The following HLA-DMB variants were observed in gnomAD, a reference collection of about 807,000 sequenced individuals.
HLA-DMB encodes the protein major histocompatibility complex, class II, DM beta, also known as HLA class II histocompatibility antigen, DM beta chain.
A neutral mutation model predicts 29.3 loss-of-function variants in HLA-DMB; 18 were observed. That is an observed-to-expected ratio of 0.62 (90% CI 0.43 to 0.91). The LOEUF (loss-of-function observed/expected upper bound fraction) is 0.91. Ranked by LOEUF, HLA-DMB falls within the 40% of genes least tolerant of loss-of-function variation. The pLI is 0.00. For missense variants in HLA-DMB, 258 were observed against 320.9 expected, an observed-to-expected ratio of 0.80 and a Z score of 1.50; for synonymous variants, 143 against 128.7, an observed-to-expected ratio of 1.11 and a Z score of -0.75.
Position 32,940,840 on chromosome 6 carries a change from C to G in HLA-DMB, c.-33G>C, listed in dbSNP as rs941825287. On this transcript the variant is annotated 5_prime_UTR_variant, in exon 1 of 6. Coordinates refer to ENST00000418107, the MANE Select transcript of HLA-DMB (RefSeq NM_002118.5). ...TCTGTAAAGATGCCGGGAGTTCAGT[C>G]CCCTGGACCAGCTCTTCCAGGGTCC... 6.4e-7 allele frequency: 1 copy of G among 1,560,116 alleles called. No individual in the cohort carries two copies. Among genetic ancestry groups the G allele is most frequent in the African/African-American group, 1.4e-5 (1 of 73,626 alleles).
At chr6:32,938,379 A>C in intron 2 of HLA-DMB, 1 of 344,884 alleles carries the variant, frequency 2.9e-6, no homozygotes, top group Non-Finnish European at 5.2e-6. Flanking sequence ...TGGAACATCA[A>C]AATCTGGGAT....
At chr6:32,935,902 T>C in intron 3 of HLA-DMB, 2 of 539,668 alleles carry the variant, frequency 3.7e-6, no homozygotes, top group Non-Finnish European at 3.3e-6. Flanking sequence ...AGGTCCTCTC[T>C]AATACAGTGG....
At chr6:32,935,693 T>TC (rs762538584) in intron 3 of HLA-DMB, 41 bp from the exon 4 acceptor site, 40 of 1,455,236 alleles carry the variant, frequency 2.7e-5, no homozygotes, top group Non-Finnish European at 3.7e-5. Context: ...TTTCTGTTGC[T>TC]CACCCCCAGG....
rs1399694521 is a variant in HLA-DMB, at chr6:32,937,660, CCTTT to C, written c.338-208_338-205del. On this transcript the variant is annotated intron_variant, in intron 2 of 5. Transcript: ENST00000418107. The surrounding 1 kb of genome is among the most constrained non-coding windows in gnomAD (Gnocchi z 4.1). ...TCTTCTCTCCCATTCCTTCATTGCC[CCTTT>C]CTTTCTTTCCTCCTCCAGAATTATG... The C allele has an allele frequency of 2.3e-5, 13 of 570,250 alleles. No homozygotes were observed. The highest frequency in any genetic ancestry group is 9.6e-5 in the South Asian group (4 of 41,726). The allele number at this position is 570,250 out of a possible 1,614,324, so 35.3% of individuals were successfully genotyped here. A position where few individuals can be genotyped will look rare whatever the true frequency, so the allele number is the denominator to read the frequency against.
intron 1 of HLA-DMB, 52 bp from the exon 2 acceptor site, chr6:32,939,017 A>G: frequency 9.8e-7 from 1 of 1,019,412 alleles, no homozygotes; most frequent in Non-Finnish European, 1.3e-6. Flanking sequence ...CTGGCCTGGC[A>G]ATAAATAAAT....
intron 5 of HLA-DMB, 61 bp downstream of exon 5, chr6:32,935,281 C>T: frequency 7.5e-7 from 1 of 1,327,502 alleles, no homozygotes; most frequent in Non-Finnish European, 1.1e-6. Context: ...CCAACACTGA[C>T]CCCTCTAACC....
Position 32,937,521 on chromosome 6 carries a change from T to C in HLA-DMB, c.338-65A>G. 6.6e-7 allele frequency: 1 copy of C among 1,506,490 alleles called. No homozygotes were observed. The highest frequency in any genetic ancestry group is 9.1e-7 in the Non-Finnish European group (1 of 1,103,286). The allele number at this position is 1,506,490 out of a possible 1,614,324, so 93.3% of individuals were successfully genotyped here. On this transcript the variant is annotated intron_variant, in intron 2 of 5. Transcript: ENST00000418107. This position sits in a 1 kb window ranked among gnomAD's most constrained non-coding sequence, Gnocchi z 4.1. ...CATTCTGGCTGCTTCCTCAACCTGG[T>C]TTCTTCCCTATCGCAACTCTTCGTA...
At position 32,937,602 on chromosome 6, in the gene HLA-DMB, G is replaced by T; in HGVS notation, c.338-146C>A. The T allele has an allele frequency of 1.5e-6, 1 of 658,698 alleles. No homozygotes were observed. The highest frequency in any genetic ancestry group is 2.6e-6 in the Non-Finnish European group (1 of 383,974). 40.8% of individuals were successfully genotyped at this position (658,698 alleles called of 1,614,324 possible). A position where few individuals can be genotyped will look rare whatever the true frequency, so the allele number is the denominator to read the frequency against. ...CCTCTGCCATGCTGCCCCTTGAAGG[G>T]GAACCGTTAGAATGTATTCCTGCAT... On this transcript the variant is annotated intron_variant, in intron 2 of 5. Transcript: ENST00000418107. This position sits in a 1 kb window ranked among gnomAD's most constrained non-coding sequence, Gnocchi z 4.1.
At chr6:32,935,291 C>A (rs1034522465) in intron 5 of HLA-DMB, 51 bp downstream of exon 5, 13 of 1,472,976 alleles carry the variant, frequency 8.8e-6, no homozygotes, top group Non-Finnish European at 1.2e-5. Context: ...CCCCTCTAAC[C>A]CGCACCCCTA....
chr6:32,939,151 A>T (rs1414597456), intron 1 of HLA-DMB, among the ~76,000 whole-genome samples, 186 bp from the exon 2 acceptor site: 1 of 152,242 alleles, frequency 6.6e-6, no homozygotes, highest in East Asian at 1.9e-4. Flanking sequence ...CTAATCGCTT[A>T]GAATTTCCTA....
chr6:32,938,134 A>T (rs1393258475), intron 2 of HLA-DMB: 1 of 153,844 alleles, frequency 6.5e-6, no homozygotes, highest in Non-Finnish European at 1.4e-5. Flanking sequence ...CTTTCAACAG[A>T]TCTGGAGTGG....
At chr6:32,938,034 A>G (rs714289) in intron 2 of HLA-DMB, 9,558 of 153,212 alleles carry the variant, frequency 0.062, 319 homozygotes, top group Middle Eastern at 0.11. Flanking sequence ...GCTTGCCTCT[A>G]TCTTGACATT....
At chr6:32,935,112 C>A in intron 5 of HLA-DMB, 125 bp from the exon 6 acceptor site, 1 of 1,086,734 alleles carries the variant, frequency 9.2e-7, no homozygotes, top group Non-Finnish European at 1.4e-6. Flanking sequence ...ACAACTAATA[C>A]AAAGGAAGCA....
Position 32,937,318 on chromosome 6 carries a change from T to G in HLA-DMB, c.476A>C (p.His159Pro). Residue 159 changes from histidine to proline, a missense_variant, in exon 3 of 6, where the codon CAC becomes CCC. Transcript: ENST00000418107. The surrounding 1 kb of genome is among the most constrained non-coding windows in gnomAD (Gnocchi z 4.1). ...CTGGGCAGTCTTGTGCGCACTGCTG[T>G]GAGGCATGACAAGCTTCCCGTTCTT... ...WRKNGKLVMPHSSAHKTAQPN... is the reference protein window; with the variant it reads ...WRKNGKLVMPPSSAHKTAQPN... 1 of 1,614,172 alleles carries G rather than the reference T, an allele frequency of 6.2e-7. No homozygotes were observed. The highest frequency in any genetic ancestry group is 8.5e-7 in the Non-Finnish European group (1 of 1,180,022).
At position 32,937,412 on chromosome 6, in the gene HLA-DMB, T is replaced by G. The variant is rs1160065935; in HGVS notation, c.382A>C (p.Arg128=). The change falls in exon 3 of 6, where the codon AGG becomes CGG. Residue 128 remains arginine (R), a synonymous_variant. Transcript: ENST00000418107. This position sits in a 1 kb window ranked among gnomAD's most constrained non-coding sequence, Gnocchi z 4.1. Reference sequence around the variant, plus strand: ...TAGCAGGCCAGCATCACAGGCTCCCTCGTGTTAAAAGGAGTGGTTTTGGCT... The same window carrying G: ...TAGCAGGCCAGCATCACAGGCTCCCGCGTGTTAAAAGGAGTGGTTTTGGCT... ...QVAKTTPFNT[R]EPVMLACYVW... is the part of the protein sequence containing the mutation. 6.2e-7 allele frequency: 1 copy of G among 1,614,032 alleles called. No individual in the cohort carries two copies.
Position 32,937,505 on chromosome 6 carries a change from T to C in HLA-DMB, c.338-49A>G. The C allele has an allele frequency of 6.4e-7, 1 of 1,556,930 alleles. No homozygotes were observed. The highest frequency in any genetic ancestry group is 1.2e-5 in the South Asian group (1 of 84,552). On this transcript the variant is annotated intron_variant, in intron 2 of 5. Transcript: ENST00000418107. This position sits in a 1 kb window ranked among gnomAD's most constrained non-coding sequence, Gnocchi z 4.1. ...TTAGGAAGGAGGGTGACATTCTGGC[T>C]GCTTCCTCAACCTGGTTTCTTCCCT...
rs1180530547 is a variant in HLA-DMB, at chr6:32,940,831, G to A, written c.-24C>T. 1 of 1,576,092 alleles carries A rather than the reference G, an allele frequency of 6.3e-7. No individual in the cohort carries two copies. The highest frequency in any genetic ancestry group is 8.6e-7 in the Non-Finnish European group (1 of 1,161,106). On this transcript the variant is annotated 5_prime_UTR_variant, in exon 1 of 6. Coordinates refer to ENST00000418107, the MANE Select transcript of HLA-DMB (RefSeq NM_002118.5). ...ATGCTCTGCTCTGTAAAGATGCCGG[G>A]AGTTCAGTCCCCTGGACCAGCTCTT...
intron 1 of HLA-DMB, 49 bp downstream of exon 1, chr6:32,940,704 C>A (rs532988258): frequency 1.3e-6 from 2 of 1,503,414 alleles, no homozygotes; most frequent in East Asian, 2.4e-5. Context: ...CACCCTTACC[C>A]TGAAACAGGA....
chr6:32,938,755 C>A lies in HLA-DMB; in HGVS notation c.266G>T (p.Arg89Leu). ...HLNQKDTLMQ[R>L]LRNGLQNCAT... ...ACAATTCTGAAGCCCATTGCGCAAG[C>A]GCTGCATCAGGGTGTCTTTTTGGTT... The change falls in exon 2 of 6, where the codon CGC (arginine) becomes CTC (leucine). Residue 89 changes from arginine to leucine, a missense_variant. By Grantham distance (102) the Arg-to-Leu change is moderately radical. Coordinates refer to ENST00000418107, the MANE Select transcript of HLA-DMB (RefSeq NM_002118.5). The A allele has an allele frequency of 6.2e-7, 1 of 1,602,108 alleles. No individual in the cohort carries two copies. The highest frequency in any genetic ancestry group is 8.5e-7 in the Non-Finnish European group (1 of 1,174,714).
Sources: gnomAD v4.1 joint callset for allele counts (sites outside exome capture counted in the v4.1 genomes callset) on GRCh38, gnomAD v4.1.1 for gene constraint, Gnocchi (gnomAD v3.1) non-coding constraint, MANE v1.5 for transcripts, NCBI Gene and HGNC (gene_info 2026-07-23, HGNC 2026-07-21) for gene names.